Variants in MYH2 observed in about 807,000 individuals in gnomAD.
MYH2 encodes the protein myosin-2.
A neutral mutation model predicts 228.1 loss-of-function variants in MYH2; 139 were observed. That is an observed-to-expected ratio of 0.61 (90% CI 0.53 to 0.70). The LOEUF (loss-of-function observed/expected upper bound fraction) is 0.70. Ranked by LOEUF, MYH2 falls within the 30% of genes least tolerant of loss-of-function variation. The probability of loss-of-function intolerance (pLI) is 0.00; values close to 1 mark genes in which losing one functional copy is unlikely to be tolerated. For missense variants in MYH2, 1,809 were observed against 2,357.5 expected (o/e 0.77, Z 4.82); for synonymous variants, 796 against 871.1 (o/e 0.91, Z 1.52).
Position 10,529,977 on chromosome 17 carries a change from GCT to G in MYH2, c.2793_2794del (p.Arg931SerfsTer2), listed in dbSNP as rs1440641319. On this transcript the variant is annotated frameshift_variant, in exon 23 of 40. Coordinates refer to ENST00000245503, the MANE Select transcript of MYH2 (RefSeq NM_017534.6). LOFTEE classifies it high-confidence loss of function. ...AGCATTGATCTCTTCCTCATCCTCA[GCT>G]CTCTCAGTCACCTCTTTGATTTTGG... is the stretch of plus-strand genomic sequence containing the variant. The G allele has an allele frequency of 6.2e-7, 1 of 1,613,730 alleles. No individual in the cohort carries two copies. Among genetic ancestry groups the G allele is most frequent in the Non-Finnish European group, 8.5e-7 (1 of 1,179,908 alleles).
rs568874664 is a variant in MYH2, at chr17:10,545,187, T to C, written c.505+159A>G. Among the ~76,000 whole-genome samples the C allele has an allele frequency of 1.8e-4, 27 of 152,332 alleles. No homozygotes were observed. The South Asian group carries it at 5.6e-3, about 32-fold the overall frequency. On this transcript the variant is annotated intron_variant, in intron 5 of 39. Transcript: ENST00000245503. ...ATTATGTAATATTACGCATTACAAA[T>C]CAGCCTTTCTCCCCTTCCTGGACCT...
At chr17:10,540,450 AC>A (rs2073537565) in intron 11 of MYH2, 143 bp downstream of exon 11, 1 of 750,176 alleles carries the variant, frequency 1.3e-6, no homozygotes, top group Non-Finnish European at 2.3e-6. Flanking sequence ...GGCACATCAT[AC>A]TCTTTTCATT....
chr17:10,548,250 C>A lies in MYH2; in HGVS notation c.-20-310G>T, dbSNP rs552135304. Among the ~76,000 whole-genome samples, 5 of 152,262 alleles carry A rather than the reference C, an allele frequency of 3.3e-5. No individual in the cohort carries two copies. The South Asian group carries it at 6.2e-4, about 19-fold the overall frequency. On this transcript the variant is annotated intron_variant, in intron 2 of 39. Transcript: ENST00000245503. Reference sequence around the variant, plus strand: ...AAGTAGCTTGTGACCTTGGGTATGTCACTTGATGTTTTTGAGCCTAAGTGA... The same window carrying A: ...AAGTAGCTTGTGACCTTGGGTATGTAACTTGATGTTTTTGAGCCTAAGTGA...
chr17:10,531,905 G>A lies in MYH2; in HGVS notation c.2442-17C>T, dbSNP rs2142303651. 6.2e-7 allele frequency: 1 copy of A among 1,613,728 alleles called. No individual in the cohort carries two copies. Among genetic ancestry groups the A allele is most frequent in the East Asian group, 2.2e-5 (1 of 44,882 alleles). On this transcript the variant is annotated splice_polypyrimidine_tract_variant and intron_variant, in intron 21 of 39. Coordinates refer to ENST00000245503, the MANE Select transcript of MYH2 (RefSeq NM_017534.6). The stretch of plus-strand genomic sequence containing the variant: ...ATGGCCTCCCTGAAATTTAATTGAT[G>A]CAAATTAGTATTGTGTGGTTGATGC...
chr17:10,534,031 C>T (rs547122369), intron 19 of MYH2, among the ~76,000 whole-genome samples: 1 of 152,308 alleles, frequency 6.6e-6, no homozygotes, highest in African/African-American at 2.4e-5. Context: ...CAGAACTATC[C>T]TAATCACCTA....
chr17:10,543,615 A>G lies in MYH2; in HGVS notation c.741+96T>C, dbSNP rs1597457563. Reference sequence around the variant, plus strand: ...GAAAAGGAAAGAACAATGATGTAATAGAATGGGAATGAAAAAGATTCAGAG... The same window carrying G: ...GAAAAGGAAAGAACAATGATGTAATGGAATGGGAATGAAAAAGATTCAGAG... On this transcript the variant is annotated intron_variant, in intron 8 of 39. Coordinates refer to ENST00000245503, the MANE Select transcript of MYH2 (RefSeq NM_017534.6). 9.2e-6 allele frequency: 14 copies of G among 1,517,532 alleles called. No homozygotes were observed. In the East Asian group the frequency reaches 3.2e-4, roughly 34 times the overall value. 94.0% of individuals were successfully genotyped at this position (1,517,532 alleles called of 1,614,324 possible). A position where few individuals can be genotyped will look rare whatever the true frequency, so the allele number is the denominator to read the frequency against.
Position 10,524,737 on chromosome 17 carries a change from C to A in MYH2, c.4971+20G>T, listed in dbSNP as rs757325268. 5 of 1,614,072 alleles carry A rather than the reference C, an allele frequency of 3.1e-6. No individual in the cohort carries two copies. The highest frequency in any genetic ancestry group is 8.5e-7 in the Non-Finnish European group (1 of 1,180,054). Reference sequence around the variant, plus strand: ...GCAGGCACCCCAATAGTCCTGGGACCATCTCTTGGACATATTTACCTTGAG... The same window carrying A: ...GCAGGCACCCCAATAGTCCTGGGACAATCTCTTGGACATATTTACCTTGAG... On this transcript the variant is annotated intron_variant, in intron 34 of 39. Transcript: ENST00000245503. The surrounding 1 kb of genome is among the most constrained non-coding windows in gnomAD (Gnocchi z 4.7).
At chr17:10,546,811 G>A (rs1185689694) in intron 4 of MYH2, among the ~76,000 whole-genome samples, 1 of 152,072 alleles carries the variant, frequency 6.6e-6, no homozygotes, top group African/African-American at 2.4e-5. Context: ...CAGGCATGAT[G>A]GCTTATGCCT....
rs1298974968 is a variant in MYH2, at chr17:10,540,099, T to C, written c.1009-33A>G. 3.1e-6 allele frequency: 5 copies of C among 1,613,518 alleles called. No individual in the cohort carries two copies. In the African/African-American group the frequency reaches 6.7e-5, roughly 22 times the overall value. The stretch of plus-strand genomic sequence containing the variant: ...TATAACCAATAGGATAGCTGTTAGG[T>C]TGTGATCCACACGCTTACTGTTAAT... On this transcript the variant is annotated intron_variant, in intron 11 of 39. Transcript: ENST00000245503.
intron 39 of MYH2, 56 bp downstream of exon 39, chr17:10,523,031 CAAG>C: frequency 8.0e-7 from 1 of 1,246,404 alleles, no homozygotes; most frequent in Non-Finnish European, 1.2e-6. Flanking sequence ...TTGTTCACTA[CAAG>C]AAGTAGTAAT....
Position 10,532,008 on chromosome 17 carries a change from G to GA in MYH2, c.2442-121dup, listed in dbSNP as rs11379780. 0.93 allele frequency: 1,114,196 copies of GA among 1,197,576 alleles called. 520,765 individuals are homozygous for GA. The highest frequency in any genetic ancestry group is 1 in the East Asian group (42,822 of 42,840). 74.2% of individuals were successfully genotyped at this position (1,197,576 alleles called of 1,614,324 possible). A position where few individuals can be genotyped will look rare whatever the true frequency, so the allele number is the denominator to read the frequency against. ...CTACTCTGCTTTCAAACATGCAGAT[G>GA]AAAAAATTCTATTTCGGGATGATGG... On this transcript the variant is annotated intron_variant, in intron 21 of 39. Coordinates refer to ENST00000245503, the MANE Select transcript of MYH2 (RefSeq NM_017534.6).
chr17:10,535,099 T>C lies in MYH2; in HGVS notation c.2154A>G (p.Arg718=). The stretch of plus-strand genomic sequence containing the variant: ...TCTGTTTGAAGTCTGCATAAAGGAT[T>C]CTGCTTGGAAATCCTTTCCTACAGA... The part of the protein sequence containing the change: ...IRICRKGFPS[R]ILYADFKQRY... The change falls in exon 19 of 40, where the codon AGA becomes AGG. Residue 718 remains arginine, a synonymous_variant. Transcript: ENST00000245503. The C allele has an allele frequency of 6.2e-7, 1 of 1,614,154 alleles. No homozygotes were observed. The highest frequency in any genetic ancestry group is 8.5e-7 in the Non-Finnish European group (1 of 1,180,012).
Position 10,531,767 on chromosome 17 carries a change from T to A in MYH2, c.2563A>T (p.Met855Leu). 1.2e-6 allele frequency: 2 copies of A among 1,614,226 alleles called. No homozygotes were observed. Among genetic ancestry groups the A allele is most frequent in the Non-Finnish European group, 8.5e-7 (1 of 1,180,036 alleles). Residue 855 changes from methionine (M) to leucine (L), a missense_variant, in exon 22 of 40, where the codon ATG becomes TTG. Met to Leu is a conservative substitution (Grantham distance 15). This residue lies in a region of MYH2 where 276 missense variants were observed against 344.2 expected (regional missense o/e 0.80). Transcript: ENST00000245503. ...TGAAATTCTTCCTTCATGGTGGCCA[T>A]CTCCTTCTCAGTTTCTGCACTCTTC... Reference protein sequence around the residue: ...LLKSAETEKEMATMKEEFQKI... With the variant: ...LLKSAETEKELATMKEEFQKI...
Position 10,523,882 on chromosome 17 carries a change from G to A in MYH2, c.5178C>T (p.Asn1726=), listed in dbSNP as rs758293539. The change falls in exon 36 of 40, where the codon AAC becomes AAT. Residue 1726 remains asparagine (N), a splice_region_variant and synonymous_variant. Transcript: ENST00000245503. ...SERVQLLHTQ[N]TSLINTKKKL... Reference sequence around the variant, plus strand: ...TCTTCTTGGTGTTGATCAGGCTGGTGTTCTGTTTAAAAAGAATTTGTACAT... The same window carrying A: ...TCTTCTTGGTGTTGATCAGGCTGGTATTCTGTTTAAAAAGAATTTGTACAT... 9.9e-6 allele frequency: 16 copies of A among 1,613,150 alleles called. No individual in the cohort carries two copies. The highest frequency in any genetic ancestry group is 1.4e-5 in the Non-Finnish European group (16 of 1,179,402).
Position 10,540,717 on chromosome 17 carries a change from C to A in MYH2, c.905-20G>T, listed in dbSNP as rs1165708007. ...GCATTTCTAAGTACAGGAAACAGAA[C>A]AAAGATAAACATAATTATCTTCTTC... is the stretch of plus-strand genomic sequence containing the variant. On this transcript the variant is annotated intron_variant, in intron 10 of 39. Coordinates refer to ENST00000245503, the MANE Select transcript of MYH2 (RefSeq NM_017534.6). The A allele has an allele frequency of 1.3e-6, 2 of 1,525,886 alleles. No homozygotes were observed. The highest frequency in any genetic ancestry group is 1.7e-5 in the Admixed American group (1 of 59,824). 94.5% of individuals were successfully genotyped at this position (1,525,886 alleles called of 1,614,324 possible). A position where few individuals can be genotyped will look rare whatever the true frequency, so the allele number is the denominator to read the frequency against.
At chr17:10,542,234 A>T (rs929484239) in intron 10 of MYH2, among the ~76,000 whole-genome samples, 1 of 152,114 alleles carries the variant, frequency 6.6e-6, no homozygotes, top group African/African-American at 2.4e-5. Context: ...AGATTTCGCC[A>T]TTGCACTCTG....
chr17:10,544,490 C>T (rs1358729049), intron 5 of MYH2, among the ~76,000 whole-genome samples: 1 of 152,112 alleles, frequency 6.6e-6, no homozygotes, highest in Non-Finnish European at 1.5e-5. Flanking sequence ...AAATAAACAC[C>T]AAAAGTAGAC....
In MYH2 at chr17:10,537,808, T is replaced by A. The variant is rs886052570; in HGVS notation, c.1444A>T (p.Asn482Tyr). Residue 482 changes from asparagine to tyrosine, a missense_variant, in exon 15 of 40, where the codon AAC becomes TAC. Physicochemically the swap from Asn to Tyr is moderately radical, Grantham distance 143. Coordinates refer to ENST00000245503, the MANE Select transcript of MYH2 (RefSeq NM_017534.6). The surrounding 1 kb of genome is among the most constrained non-coding windows in gnomAD (Gnocchi z 4.0). ...TGTTGCAGTTTCTCATTGGTGAAGT[T>A]GATGCACAGCTGCTCCAGGCTGTTG... ...DFNSLEQLCI[N>Y]FTNEKLQQFF... 1 of 1,614,196 alleles carries A rather than the reference T, an allele frequency of 6.2e-7. No homozygotes were observed. Among genetic ancestry groups the A allele is most frequent in the Non-Finnish European group, 8.5e-7 (1 of 1,180,028 alleles).
intron 27 of MYH2, 128 bp downstream of exon 27, chr17:10,528,562 T>A (rs1567729502): frequency 1.4e-6 from 2 of 1,436,906 alleles, no homozygotes; most frequent in Non-Finnish European, 9.6e-7. Context: ...AAATGCTGAT[T>A]TTTTGTGCTT....
Sources: gnomAD v4.1 joint callset for allele counts (sites outside exome capture counted in the v4.1 genomes callset) on GRCh38, gnomAD v4.1.1 for gene constraint, gnomAD v4.1.1 regional missense constraint, Gnocchi (gnomAD v3.1) non-coding constraint, MANE v1.5 for transcripts, NCBI Gene and HGNC (gene_info 2026-07-23, HGNC 2026-07-21) for gene names.